Variants in TOM1L1 observed in about 807,000 individuals in gnomAD.
TOM1L1 encodes the protein TOM1-like protein 1.
A neutral mutation model predicts 63.4 loss-of-function variants in TOM1L1; 64 were observed. That is an observed-to-expected ratio of 1.01 (90% CI 0.83 to 1.24). The LOEUF (loss-of-function observed/expected upper bound fraction) is 1.24, where lower values mean the gene tolerates loss of function less well. Ranked by LOEUF, TOM1L1 falls within the 50% of genes most tolerant of loss-of-function variation. The pLI is 0.00. For missense variants in TOM1L1, 536 were observed against 567.0 expected (o/e 0.95, Z 0.55); for synonymous variants, 166 against 194.4 (o/e 0.85, Z 1.22).
At chr17:54,938,292 G>A (rs1429024702) in intron 10 of TOM1L1, among the ~76,000 whole-genome samples, 47 of 151,970 alleles carry the variant, frequency 3.1e-4, no homozygotes, top group African/African-American at 2.4e-5. Flanking sequence ...TCAGGAGTTC[G>A]AGACCAGCCT....
At chr17:54,931,757 C>T (rs555040688) in intron 8 of TOM1L1, among the ~76,000 whole-genome samples, 1 of 150,892 alleles carries the variant, frequency 6.6e-6, no homozygotes, top group East Asian at 2.0e-4. Context: ...GATCCAAGAT[C>T]GTGCCACTGC....
At chr17:54,958,687 A>T (rs973012865) in intron 14 of TOM1L1, among the ~76,000 whole-genome samples, 6 of 140,498 alleles carry the variant, frequency 4.3e-5, no homozygotes, top group African/African-American at 1.6e-4. Context: ...CTGAGATCCC[A>T]CTATTGCACT....
intron 1 of TOM1L1, among the ~76,000 whole-genome samples, chr17:54,902,385 G>A (rs1267829649): frequency 6.6e-6 from 1 of 152,154 alleles, no homozygotes; most frequent in Non-Finnish European, 1.5e-5. Context: ...CGCCTACCGG[G>A]TTCAAGCACT....
At chr17:54,958,998 T>C (rs2077036632) in intron 14 of TOM1L1, among the ~76,000 whole-genome samples, 1 of 151,978 alleles carries the variant, frequency 6.6e-6, no homozygotes, top group South Asian at 2.1e-4. Context: ...GAAGATAAAC[T>C]TGAAGATTTA....
chr17:54,930,010 G>C (rs1407889832), intron 7 of TOM1L1, 63 bp from the exon 8 acceptor site: 1 of 1,605,652 alleles, frequency 6.2e-7, no homozygotes. Context: ...AGATTGGTGA[G>C]TCAGATGTCT....
In TOM1L1 at chr17:54,961,899, A is replaced by G. The variant is rs1377160799; in HGVS notation, c.*666A>G. The stretch of plus-strand genomic sequence containing the variant: ...AATATTTCTATTTAGAACACAGAAA[A>G]TGAAAATATTTAGAATAAGTTGTAC... On this transcript the variant is annotated 3_prime_UTR_variant, in exon 16 of 16. Coordinates refer to ENST00000575882, the MANE Select transcript of TOM1L1 (RefSeq NM_005486.3). The G allele has an allele frequency of 1.1e-6, 1 of 908,278 alleles. No individual in the cohort carries two copies. Among genetic ancestry groups the G allele is most frequent in the Non-Finnish European group, 1.3e-6 (1 of 759,432 alleles). The allele number at this position is 908,278 out of a possible 1,614,324, so 56.3% of individuals were successfully genotyped here.
rs2049178882 is a variant in TOM1L1, at chr17:54,949,606, T to A, written c.1271T>A (p.Leu424Ter). The change falls in exon 13 of 16, where the codon TTG becomes TAG. Residue 424 changes from leucine (L) to a stop codon, truncating the protein, a stop_gained. Transcript: ENST00000575882. LOFTEE classifies it high-confidence loss of function. Reference protein sequence around the residue: ...AAPSNQSLPPLPSNHPAMTKS... With the variant: ...AAPSNQSLPP Reference sequence around the variant, plus strand: ...CCATCAAACCAGAGTCTGCCACCTTTGCCCAGCAATCATCCAGGTACATGG... The same window carrying A: ...CCATCAAACCAGAGTCTGCCACCTTAGCCCAGCAATCATCCAGGTACATGG... The A allele has an allele frequency of 4.3e-6, 7 of 1,613,558 alleles. No individual in the cohort carries two copies. The South Asian group carries it at 5.5e-5, about 13-fold the overall frequency.
At chr17:54,906,183 T>C (rs763588422) in intron 3 of TOM1L1, among the ~76,000 whole-genome samples, 1 of 152,000 alleles carries the variant, frequency 6.6e-6, no homozygotes, top group Non-Finnish European at 1.5e-5. Context: ...AAAAAAAAGT[T>C]TGTGGCTGGG....
At chr17:54,922,800 C>T (rs2048705919) in intron 7 of TOM1L1, among the ~76,000 whole-genome samples, 1 of 152,112 alleles carries the variant, frequency 6.6e-6, no homozygotes, top group Non-Finnish European at 1.5e-5. Context: ...TGGAGCCATG[C>T]AGTTCAAACC....
chr17:54,918,297 A>C (rs994239333), intron 7 of TOM1L1, among the ~76,000 whole-genome samples: 1 of 152,218 alleles, frequency 6.6e-6, no homozygotes, highest in African/African-American at 2.4e-5. Context: ...AAAAACAAAC[A>C]AAACAGCTAG....
At chr17:54,942,721 TAC>T (rs1188482196) in intron 11 of TOM1L1, among the ~76,000 whole-genome samples, 1 of 152,196 alleles carries the variant, frequency 6.6e-6, no homozygotes, top group Non-Finnish European at 1.5e-5. Context: ...TGGTTTGGTG[TAC>T]AGTTTTATTT....
chr17:54,901,626 CCTT>C (rs1236530247), intron 1 of TOM1L1, among the ~76,000 whole-genome samples: 3 of 152,066 alleles, frequency 2.0e-5, no homozygotes, highest in Non-Finnish European at 1.5e-5. Flanking sequence ...GCTCACTGCT[CCTT>C]CTTTTCCCTG....
At chr17:54,902,528 G>A (rs2048343899) in intron 1 of TOM1L1, among the ~76,000 whole-genome samples, 1 of 152,190 alleles carries the variant, frequency 6.6e-6, no homozygotes, top group Non-Finnish European at 1.5e-5. Flanking sequence ...GACCTCAGGT[G>A]ATCTACCCAC....
rs572737786 is a variant in TOM1L1 at position 54,918,055 on chromosome 17, G to C, written c.720+2193G>C. On this transcript the variant is annotated intron_variant, in intron 7 of 15. Transcript: ENST00000575882. The stretch of plus-strand genomic sequence containing the variant: ...TTCACTGCCGTACCTCAACCAATCT[G>C]TTAGAGCCCCTTGTGCTTCTTGGCT... 3.3e-5 allele frequency among the ~76,000 whole-genome samples: 5 copies of C among 152,276 alleles called. No homozygotes were observed. The South Asian group carries it at 1.0e-3, about 32-fold the overall frequency.
intron 6 of TOM1L1, 43 bp downstream of exon 6, chr17:54,914,786 A>T (rs1449661537): frequency 1.4e-6 from 2 of 1,456,846 alleles, no homozygotes; most frequent in Non-Finnish European, 1.9e-6. Context: ...TCTTTTCCTG[A>T]TTTGTAAGCA....
At chr17:54,919,573 C>CT (rs1207030890) in intron 7 of TOM1L1, among the ~76,000 whole-genome samples, 2 of 152,090 alleles carry the variant, frequency 1.3e-5, no homozygotes, top group African/African-American at 4.8e-5. Context: ...TGTTTTAATG[C>CT]CAGAGCTCAG....
At position 54,915,791 on chromosome 17, in the gene TOM1L1, C is replaced by T. The variant is rs771053348; in HGVS notation, c.649C>T (p.Arg217Ter). The change falls in exon 7 of 16, where the codon CGA becomes TGA. Residue 217 changes from arginine (R) to a stop codon, truncating the protein, a stop_gained. Coordinates refer to ENST00000575882, the MANE Select transcript of TOM1L1 (RefSeq NM_005486.3). LOFTEE classifies it high-confidence loss of function. ...ATTGGATATGGTGAAAATGAATGTG[C>T]GAGTGATGTCCGCCATATTGATGGA... is the stretch of plus-strand genomic sequence containing the variant. ...SELDMVKMNV[R>*]VMSAILMENT... The T allele has an allele frequency of 9.9e-6, 16 of 1,612,242 alleles. No individual in the cohort carries two copies. The highest frequency in any genetic ancestry group is 3.4e-5 in the Admixed American group (2 of 59,688).
intron 3 of TOM1L1, among the ~76,000 whole-genome samples, chr17:54,908,641 T>A (rs1449921429): frequency 1.3e-5 from 2 of 152,216 alleles, no homozygotes; most frequent in Non-Finnish European, 2.9e-5. Flanking sequence ...GGAACCTGAC[T>A]GTACTATGAT....
intron 14 of TOM1L1, among the ~76,000 whole-genome samples, chr17:54,959,722 A>G (rs1310551124): frequency 6.6e-6 from 1 of 150,552 alleles, no homozygotes; most frequent in Non-Finnish European, 1.5e-5. Flanking sequence ...GGCTCCAGTG[A>G]TCCTCCGACC....
Sources: gnomAD v4.1 joint callset for allele counts (sites outside exome capture counted in the v4.1 genomes callset) on GRCh38, gnomAD v4.1.1 for gene constraint, MANE v1.5 for transcripts, NCBI Gene and HGNC (gene_info 2026-07-23, HGNC 2026-07-21) for gene names.